ACKR2: variants seen among roughly 807,000 people sequenced by gnomAD.
The protein encoded by ACKR2 is atypical chemokine receptor 2, also known as C-C chemokine receptor D6.
For synonymous variants in ACKR2, 207 were observed against 192.2 expected (o/e 1.08, Z -0.64); for missense variants, 457 against 477.3 (o/e 0.96, Z 0.40).
chr3:42,811,349 T>A (rs1368227748), intron 1 of ACKR2, among the ~76,000 whole-genome samples: 1 of 152,222 alleles, frequency 6.6e-6, no homozygotes, highest in Non-Finnish European at 1.5e-5. Context: ...ACATGTGCTG[T>A]ATGGAATCAA....
intron 2 of ACKR2, among the ~76,000 whole-genome samples, chr3:42,829,745 C>A (rs1186061415): frequency 6.6e-6 from 1 of 152,170 alleles, no homozygotes; most frequent in Non-Finnish European, 1.5e-5. Context: ...TGCACTCTGT[C>A]CTCTGCCATG....
In ACKR2 at chr3:42,852,899, C is replaced by T. The variant is rs1376941366; in HGVS notation, c.-37-11567C>T. On this transcript the variant is annotated intron_variant, in intron 2 of 2. Transcript: ENST00000422265. This position sits in a 1 kb window ranked among gnomAD's most constrained non-coding sequence, Gnocchi z 4.3. ...AAAAAAGTAAGGAGAGAGAGTGTGCCGTGATCTGGAATCAGAGGCCAGCTG... is the reference window on the plus strand; with the variant it reads ...AAAAAAGTAAGGAGAGAGAGTGTGCTGTGATCTGGAATCAGAGGCCAGCTG... Among the ~76,000 whole-genome samples, 6 of 151,906 alleles carry T rather than the reference C, an allele frequency of 3.9e-5. No individual in the cohort carries two copies. The highest frequency in any genetic ancestry group is 1.5e-5 in the Non-Finnish European group (1 of 67,990).
At chr3:42,811,246 A>C (rs1055226887) in intron 1 of ACKR2, among the ~76,000 whole-genome samples, 4 of 152,238 alleles carry the variant, frequency 2.6e-5, no homozygotes, top group Non-Finnish European at 5.9e-5. Flanking sequence ...AGGAAGACAT[A>C]AGAAACTCCA....
intron 2 of ACKR2, among the ~76,000 whole-genome samples, chr3:42,860,051 TAG>T (rs1161635231): frequency 1.3e-5 from 2 of 150,768 alleles, no homozygotes; most frequent in Admixed American, 6.6e-5. Flanking sequence ...GCAAATTGGA[TAG>T]AGAGTCAAGA....
At chr3:42,862,055 G>C (rs2088390033) in intron 2 of ACKR2, among the ~76,000 whole-genome samples, 4 of 152,192 alleles carry the variant, frequency 2.6e-5, no homozygotes, top group Admixed American at 2.6e-4. Flanking sequence ...ATTCGAATAG[G>C]AAGAGAGGAA....
intron 2 of ACKR2, among the ~76,000 whole-genome samples, chr3:42,841,003 T>C (rs920934681): frequency 2.6e-5 from 4 of 152,212 alleles, no homozygotes; most frequent in African/African-American, 9.6e-5. Flanking sequence ...TGTCTTAACC[T>C]TTTTTGTGCC....
intron 1 of ACKR2, among the ~76,000 whole-genome samples, chr3:42,817,907 T>C (rs1700770050): frequency 6.6e-6 from 1 of 152,254 alleles, no homozygotes; most frequent in Non-Finnish European, 1.5e-5. Context: ...CTGGTCATTC[T>C]TTCTTAGTTA....
At chr3:42,820,652 C>T (rs527875823) in intron 2 of ACKR2, among the ~76,000 whole-genome samples, 1 of 148,288 alleles carries the variant, frequency 6.7e-6, no homozygotes, top group African/African-American at 2.5e-5. Context: ...TGTTAGCCAC[C>T]AATGTCCTTG....
chr3:42,864,204 A>T (rs2088410639), intron 2 of ACKR2, among the ~76,000 whole-genome samples: 1 of 152,244 alleles, frequency 6.6e-6, no homozygotes, highest in Non-Finnish European at 1.5e-5. Flanking sequence ...AAATACTCTG[A>T]GAACACCTGA....
chr3:42,814,309 C>A (rs1700727967), intron 1 of ACKR2, among the ~76,000 whole-genome samples: 1 of 152,202 alleles, frequency 6.6e-6, no homozygotes, highest in Non-Finnish European at 1.5e-5. Context: ...GAAGACTTAA[C>A]ACATTATTTG....
At chr3:42,817,374 G>A (rs191128155) in intron 1 of ACKR2, among the ~76,000 whole-genome samples, 19 of 152,020 alleles carry the variant, frequency 1.2e-4, no homozygotes, top group Admixed American at 1.1e-3. Context: ...CCCACTAACC[G>A]TTTTCACAGA....
Position 42,842,036 on chromosome 3 carries a change from G to A in ACKR2, c.-38+22325G>A, listed in dbSNP as rs533270243. On this transcript the variant is annotated intron_variant, in intron 2 of 2. Coordinates refer to ENST00000422265, the MANE Select transcript of ACKR2 (RefSeq NM_001296.5). ...TTTGTAAAATGGAAATGACCCTACCGCTTCATAGGGTTGGTTGGTGTGAAG... is the reference window on the plus strand; with the variant it reads ...TTTGTAAAATGGAAATGACCCTACCACTTCATAGGGTTGGTTGGTGTGAAG... Among the ~76,000 whole-genome samples, 51 of 152,284 alleles carry A rather than the reference G, an allele frequency of 3.3e-4. No individual in the cohort carries two copies. The South Asian group carries it at 8.9e-3, about 27-fold the overall frequency.
intron 1 of ACKR2, among the ~76,000 whole-genome samples, chr3:42,813,003 G>T (rs1410701523): frequency 6.6e-6 from 1 of 151,944 alleles, no homozygotes; most frequent in Non-Finnish European, 1.5e-5. Context: ...GCTTTCTTTT[G>T]GTTCTAATCA....
chr3:42,864,975 G>C lies in ACKR2; in HGVS notation c.473G>C (p.Arg158Pro), dbSNP rs764776544. The C allele has an allele frequency of 6.2e-7, 1 of 1,614,072 alleles. No homozygotes were observed. Among genetic ancestry groups the C allele is most frequent in the Non-Finnish European group, 8.5e-7 (1 of 1,180,020 alleles). ...HAQPYHRLRT[R>P]AKSLLLATIV... ...CAGCCCTACCACAGGCTGAGGACCC[G>C]GGCCAAGAGCCTGCTCCTTGCTACC... Residue 158 changes from arginine to proline, a missense_variant, in exon 3 of 3, where the codon CGG (arginine) becomes CCG (proline). Transcript: ENST00000422265.
intron 2 of ACKR2, among the ~76,000 whole-genome samples, chr3:42,863,343 TA>T (rs1330229108): frequency 2.0e-5 from 3 of 152,134 alleles, no homozygotes; most frequent in Non-Finnish European, 2.9e-5. Flanking sequence ...TGATGATCAT[TA>T]AAAAGTCAGG....
At chr3:42,830,424 A>T (rs1274661228) in intron 2 of ACKR2, among the ~76,000 whole-genome samples, 1 of 152,164 alleles carries the variant, frequency 6.6e-6, no homozygotes, top group East Asian at 1.9e-4. Context: ...CCTTTGATTG[A>T]TAAACTCTTC....
intron 1 of ACKR2, among the ~76,000 whole-genome samples, chr3:42,811,853 A>G (rs994916499): frequency 9.2e-5 from 14 of 152,252 alleles, no homozygotes; most frequent in South Asian, 6.2e-4. Context: ...AGAAGCAAAA[A>G]TCTGGCCTAC....
chr3:42,867,241 G>A lies in ACKR2; in HGVS notation c.*1584G>A, dbSNP rs1257844686. 1 of 167,004 alleles carries A rather than the reference G, an allele frequency of 6.0e-6. No individual in the cohort carries two copies. Among genetic ancestry groups the A allele is most frequent in the Non-Finnish European group, 1.5e-5 (1 of 68,128 alleles). The allele number at this position is 167,004 out of a possible 1,614,324, so 10.3% of individuals were successfully genotyped here. On this transcript the variant is annotated 3_prime_UTR_variant, in exon 3 of 3. Coordinates refer to ENST00000422265, the MANE Select transcript of ACKR2 (RefSeq NM_001296.5). ...GGGTGGTTGACATCAGTTTTCTTCA[G>A]GTTACTTTTTAATAATGATTAAAAC...
chr3:42,822,445 C>T (rs1444085253), intron 2 of ACKR2, among the ~76,000 whole-genome samples: 1 of 152,188 alleles, frequency 6.6e-6, no homozygotes, highest in Non-Finnish European at 1.5e-5. Context: ...ACTCCCTTTT[C>T]CTAGTACTTG....
Sources: gnomAD v4.1 joint callset for allele counts (sites outside exome capture counted in the v4.1 genomes callset) on GRCh38, gnomAD v4.1.1 for gene constraint, Gnocchi (gnomAD v3.1) non-coding constraint, MANE v1.5 for transcripts, NCBI Gene and HGNC (gene_info 2026-07-23, HGNC 2026-07-21) for gene names.